Variants in ELP4 observed in about 807,000 individuals in gnomAD.
ELP4 encodes elongator acetyltransferase complex subunit 4, also known as elongator complex protein 4.
In ELP4, 51 loss-of-function variants were observed where a neutral mutation model predicts 48.9. The observed-to-expected ratio is 1.04, with a 90% CI of 0.83 to 1.32. The LOEUF (loss-of-function observed/expected upper bound fraction) is 1.32, where lower values mean the gene tolerates loss of function less well. Ranked by LOEUF, ELP4 falls within the 40% of genes most tolerant of loss-of-function variation. ELP4 has a pLI of 0.00. For missense variants in ELP4, 519 were observed against 514.6 expected (o/e 1.01, Z -0.08); for synonymous variants, 210 against 189.2 (o/e 1.11, Z -0.90).
chr11:31,550,728 G>A (rs535462838), intron 3 of ELP4, among the ~76,000 whole-genome samples: 1 of 152,250 alleles, frequency 6.6e-6, no homozygotes, highest in South Asian at 2.1e-4. Context: ...TTGTCGTGGT[G>A]GAAAATGCCT....
chr11:31,777,007 A>G (rs1948262373), intron 9 of ELP4, among the ~76,000 whole-genome samples: 1 of 152,210 alleles, frequency 6.6e-6, no homozygotes, highest in South Asian at 2.1e-4. Context: ...GCCTATTCAT[A>G]TATGACAATA....
intron 1 of ELP4, among the ~76,000 whole-genome samples, chr11:31,512,769 G>T (rs1445391888): frequency 6.6e-6 from 1 of 151,882 alleles, no homozygotes; most frequent in African/African-American, 2.4e-5. Context: ...AAGAATTCTG[G>T]CAGAAATGCC....
At chr11:31,569,759 A>C (rs897107998) in intron 3 of ELP4, among the ~76,000 whole-genome samples, 7 of 152,196 alleles carry the variant, frequency 4.6e-5, no homozygotes, top group Non-Finnish European at 8.8e-5. Flanking sequence ...GCCAACAAAC[A>C]TGAAAAAATG....
At chr11:31,731,963 A>G (rs1009764581) in intron 9 of ELP4, among the ~76,000 whole-genome samples, 1 of 152,178 alleles carries the variant, frequency 6.6e-6, no homozygotes, top group Non-Finnish European at 1.5e-5. Context: ...TGGCAAAACT[A>G]TTCTTCAAAA....
intron 9 of ELP4, among the ~76,000 whole-genome samples, chr11:31,774,680 A>C (rs1351403524): frequency 6.6e-6 from 1 of 152,236 alleles, no homozygotes; most frequent in Non-Finnish European, 1.5e-5. Context: ...AAGCATAACA[A>C]GGCTCACCAG....
intron 9 of ELP4, among the ~76,000 whole-genome samples, chr11:31,723,929 C>T (rs116288384): frequency 8.1e-4 from 124 of 152,232 alleles, no homozygotes; most frequent in African/African-American, 2.9e-3. Flanking sequence ...CTAGTTAGAA[C>T]ACTAAATGCA....
chr11:31,595,691 A>G (rs140491611), intron 4 of ELP4, among the ~76,000 whole-genome samples: 305 of 152,290 alleles, frequency 2.0e-3, no homozygotes, highest in African/African-American at 7.0e-3. Context: ...AGCAGACTGT[A>G]GTACCCTCTA....
chr11:31,758,319 A>G (rs994543784), intron 9 of ELP4, among the ~76,000 whole-genome samples: 1 of 152,164 alleles, frequency 6.6e-6, no homozygotes, highest in Admixed American at 6.5e-5. Context: ...GGTCACACTC[A>G]TGTTCGTTCT....
intron 2 of ELP4, among the ~76,000 whole-genome samples, chr11:31,539,308 C>T (rs568559724): frequency 6.6e-6 from 1 of 152,240 alleles, no homozygotes; most frequent in South Asian, 2.1e-4. Flanking sequence ...ACTAAAAATA[C>T]AGAAAAATTA....
chr11:31,522,018 G>C (rs1479053075), intron 2 of ELP4, among the ~76,000 whole-genome samples: 2 of 152,020 alleles, frequency 1.3e-5, no homozygotes, highest in South Asian at 2.1e-4. Flanking sequence ...TAGTGCCTGA[G>C]TATCCAGATA....
intron 9 of ELP4, among the ~76,000 whole-genome samples, chr11:31,700,194 C>CTTAGGGGA (rs1946492327): frequency 6.6e-6 from 1 of 150,784 alleles, no homozygotes; most frequent in Non-Finnish European, 1.5e-5. Flanking sequence ...TATGGGTATA[C>CTTAGGGGA]GTATATGCTT....
At chr11:31,617,009 A>T (rs1161360052) in intron 5 of ELP4, among the ~76,000 whole-genome samples, 1 of 152,032 alleles carries the variant, frequency 6.6e-6, no homozygotes, top group Non-Finnish European at 1.5e-5. Flanking sequence ...ACTGCTATGG[A>T]AAACAGCATG....
At position 31,786,798 on chromosome 11, in the gene ELP4, T is replaced by C. The variant is rs1424598474; in HGVS notation, c.*3274T>C. 1 of 219,560 alleles carries C rather than the reference T, an allele frequency of 4.6e-6. No homozygotes were observed. Among genetic ancestry groups the C allele is most frequent in the Non-Finnish European group, 9.1e-6 (1 of 109,442 alleles). The allele number at this position is 219,560 out of a possible 1,614,324, so 13.6% of individuals were successfully genotyped here. On this transcript the variant is annotated 3_prime_UTR_variant, in exon 10 of 10. Transcript: ENST00000640961. The stretch of plus-strand genomic sequence containing the variant: ...ATTCTAGAAATTCATTGCAGTAAAA[T>C]GCATTTTTTTACTTAGAGCAGTTTG...
intron 3 of ELP4, among the ~76,000 whole-genome samples, chr11:31,592,148 GTAGA>G (rs1455600430): frequency 6.6e-6 from 1 of 152,142 alleles, no homozygotes; most frequent in Non-Finnish European, 1.5e-5. Flanking sequence ...ACTGATGAAG[GTAGA>G]TAGTGGTGAT....
intron 9 of ELP4, among the ~76,000 whole-genome samples, chr11:31,760,657 A>G (rs1374816048): frequency 6.6e-6 from 1 of 152,240 alleles, no homozygotes; most frequent in Non-Finnish European, 1.5e-5. Context: ...TAATTTAGAT[A>G]TAACTTTTTA....
intron 9 of ELP4, chr11:31,652,105 G>A (rs913367699): frequency 6.6e-6 from 1 of 151,658 alleles, no homozygotes; most frequent in Non-Finnish European, 1.5e-5. Context: ...TGGTCAACCT[G>A]TGGTTTAGAA....
At chr11:31,574,618 C>T (rs764489007) in intron 3 of ELP4, among the ~76,000 whole-genome samples, 4 of 152,140 alleles carry the variant, frequency 2.6e-5, no homozygotes, top group Non-Finnish European at 4.4e-5. Context: ...CAACATCTGC[C>T]GTTCTGCAAT....
At chr11:31,754,832 ATT>A (rs1947798894) in intron 9 of ELP4, among the ~76,000 whole-genome samples, 1 of 152,206 alleles carries the variant, frequency 6.6e-6, no homozygotes, top group South Asian at 2.1e-4. Context: ...AGATCACGCC[ATT>A]ATACTTCAGC....
At chr11:31,710,968 T>A (rs1170161813) in intron 9 of ELP4, among the ~76,000 whole-genome samples, 1 of 152,234 alleles carries the variant, frequency 6.6e-6, no homozygotes, top group East Asian at 1.9e-4. Flanking sequence ...AGGAAACAAT[T>A]GTGACAGTCC....
Sources: gnomAD v4.1 joint callset for allele counts (sites outside exome capture counted in the v4.1 genomes callset) on GRCh38, gnomAD v4.1.1 for gene constraint, MANE v1.5 for transcripts, NCBI Gene and HGNC (gene_info 2026-07-23, HGNC 2026-07-21) for gene names.